ACSL3: variants seen among roughly 807,000 people sequenced by gnomAD.
The protein encoded by ACSL3 is fatty acid CoA ligase Acsl3.
In ACSL3, 34 loss-of-function variants were observed where a neutral mutation model predicts 84.7. The ratio of observed to expected loss-of-function variants is 0.40; its 90% CI spans 0.31 to 0.53. ACSL3 has a LOEUF of 0.53. ACSL3 is among the 20% of genes least tolerant of loss of function. The pLI is 0.48. For missense variants in ACSL3, 680 were observed against 873.1 expected (o/e 0.78, Z 2.79); for synonymous variants, 315 against 299.4 (o/e 1.05, Z -0.54).
chr2:222,861,854 A>G (rs1695022346), intron 1 of ACSL3: 1 of 152,228 alleles, frequency 6.6e-6, no homozygotes. Context: ...CTTTTCCCCA[A>G]GTGCGTTTTA....
chr2:222,872,279 C>T (rs1297106142), intron 1 of ACSL3, among the ~76,000 whole-genome samples: 2 of 152,052 alleles, frequency 1.3e-5, no homozygotes, highest in Non-Finnish European at 2.9e-5. Context: ...TGCCCACCAC[C>T]ACGCCCGGCT....
chr2:222,901,943 CAAAAAAAAA>C (rs765995360), intron 3 of ACSL3, among the ~76,000 whole-genome samples: 1 of 12,390 alleles, frequency 8.1e-5, no homozygotes, highest in Admixed American at 8.5e-4. Context: ...GACTCGGTCT[CAAAAAAAAA>C]AAAAAAAAAA....
At chr2:222,862,236 G>C (rs983911400) in intron 1 of ACSL3, among the ~76,000 whole-genome samples, 2 of 152,170 alleles carry the variant, frequency 1.3e-5, no homozygotes, top group Non-Finnish European at 2.9e-5. Flanking sequence ...CTCTGGGGTG[G>C]GGGTTATTCC....
rs561355433 is a variant in ACSL3, at chr2:222,862,246, C to G, written c.-207+988C>G. Among the ~76,000 whole-genome samples, 7 of 152,296 alleles carry G rather than the reference C, an allele frequency of 4.6e-5. No homozygotes were observed. The East Asian group carries it at 1.4e-3, about 29-fold the overall frequency. ...CAGTCCTCTGGGGTGGGGGTTATTC[C>G]CATTTTACAGCGGGAGAAACTGCAG... On this transcript the variant is annotated intron_variant, in intron 1 of 16. Coordinates refer to ENST00000357430, the MANE Select transcript of ACSL3 (RefSeq NM_004457.5).
At chr2:222,911,943 G>T (rs1287894657) in intron 4 of ACSL3, among the ~76,000 whole-genome samples, 1 of 152,220 alleles carries the variant, frequency 6.6e-6, no homozygotes, top group Non-Finnish European at 1.5e-5. Context: ...TCATTACTGT[G>T]AAGTTTTATT....
intron 3 of ACSL3, among the ~76,000 whole-genome samples, chr2:222,903,737 T>C (rs973059303): frequency 6.6e-6 from 1 of 152,236 alleles, no homozygotes; most frequent in Non-Finnish European, 1.5e-5. Flanking sequence ...TGACTAGATA[T>C]TAGCTAAAAA....
At chr2:222,935,324 G>T (rs1013653646) in intron 16 of ACSL3, among the ~76,000 whole-genome samples, 3 of 152,028 alleles carry the variant, frequency 2.0e-5, no homozygotes, top group African/African-American at 7.2e-5. Flanking sequence ...AAGTAGCCGG[G>T]ACTACCAGTG....
At chr2:222,914,559 C>T (rs1696527419) in intron 4 of ACSL3, among the ~76,000 whole-genome samples, 1 of 152,048 alleles carries the variant, frequency 6.6e-6, no homozygotes, top group African/African-American at 2.4e-5. Context: ...AGTGCACCTG[C>T]CCAGAGGAGG....
rs949503596 is a variant in ACSL3 at position 222,941,918 on chromosome 2, T to C, written c.*264T>C. 3.1e-5 allele frequency: 10 copies of C among 322,868 alleles called. No homozygotes were observed. The highest frequency in any genetic ancestry group is 2.8e-4 in the East Asian group (6 of 21,542). The allele number at this position is 322,868 out of a possible 1,614,324, so 20.0% of individuals were successfully genotyped here. A position where few individuals can be genotyped will look rare whatever the true frequency, so the allele number is the denominator to read the frequency against. ...AGTATGAGAATTTTTCTGAATCATA[T>C]TGGGGAAGCAGTGATTTTAAAACCT... On this transcript the variant is annotated 3_prime_UTR_variant, in exon 17 of 17. Coordinates refer to ENST00000357430, the MANE Select transcript of ACSL3 (RefSeq NM_004457.5).
At chr2:222,929,004 T>C (rs752866880) in intron 13 of ACSL3, 68 bp downstream of exon 13, 9 of 1,333,940 alleles carry the variant, frequency 6.7e-6, no homozygotes, top group Non-Finnish European at 7.5e-6. Context: ...AGTGCTTCAC[T>C]TTCTTGCTTT....
At chr2:222,906,993 T>C (rs1362798416) in intron 3 of ACSL3, among the ~76,000 whole-genome samples, 1 of 152,218 alleles carries the variant, frequency 6.6e-6, no homozygotes, top group Admixed American at 6.5e-5. Context: ...TAGAAATTGC[T>C]AAGGGGCTCT....
rs1694987034 is a variant in ACSL3, at chr2:222,861,041, C to T, written c.-424C>T. The T allele has an allele frequency of 6.6e-6, 1 of 152,436 alleles. No homozygotes were observed. Among genetic ancestry groups the T allele is most frequent in the African/African-American group, 2.4e-5 (1 of 41,584 alleles). 9.4% of individuals were successfully genotyped at this position (152,436 alleles called of 1,614,324 possible). A position where few individuals can be genotyped will look rare whatever the true frequency, so the allele number is the denominator to read the frequency against. ...CCCAGGCGGTTCCGCTCAACAGACGCTGCTGTGGCTGCGCCGGGCTGCGAC... is the reference window on the plus strand; with the variant it reads ...CCCAGGCGGTTCCGCTCAACAGACGTTGCTGTGGCTGCGCCGGGCTGCGAC... On this transcript the variant is annotated 5_prime_UTR_variant, in exon 1 of 17. Coordinates refer to ENST00000357430, the MANE Select transcript of ACSL3 (RefSeq NM_004457.5).
chr2:222,865,265 T>G lies in ACSL3; in HGVS notation c.-207+4007T>G, dbSNP rs145385325. Among the ~76,000 whole-genome samples the G allele has an allele frequency of 5.3e-4, 81 of 152,366 alleles. 3 individuals are homozygous for G. The highest frequency in any genetic ancestry group is 1.9e-3 in the African/African-American group (77 of 41,594). On this transcript the variant is annotated intron_variant, in intron 1 of 16. Coordinates refer to ENST00000357430, the MANE Select transcript of ACSL3 (RefSeq NM_004457.5). ...AATATGTTTATTTACGTATTTTTGA[T>G]GTTTCCCATTTTGAAGGGTAAAGAA...
At chr2:222,916,535 A>T in intron 5 of ACSL3, 39 bp downstream of exon 5, 1 of 1,490,772 alleles carries the variant, frequency 6.7e-7, no homozygotes, top group Non-Finnish European at 9.0e-7. Flanking sequence ...AATGAACTTA[A>T]CTGATATTTA....
chr2:222,934,892 T>C (rs775393917), intron 16 of ACSL3, among the ~76,000 whole-genome samples: 16 of 152,226 alleles, frequency 1.1e-4, no homozygotes, highest in African/African-American at 3.9e-4. Flanking sequence ...TGTACATGTA[T>C]CTTGAATGTT....
At chr2:222,940,202 GAGCA>G (rs1263638484) in intron 16 of ACSL3, among the ~76,000 whole-genome samples, 1 of 152,314 alleles carries the variant, frequency 6.6e-6, no homozygotes, top group African/African-American at 2.4e-5. Flanking sequence ...ACACAATAGT[GAGCA>G]AGCATTCTGT....
intron 2 of ACSL3, among the ~76,000 whole-genome samples, chr2:222,900,039 A>C (rs1348135848): frequency 6.6e-6 from 1 of 152,190 alleles, no homozygotes; most frequent in African/African-American, 2.4e-5. Flanking sequence ...CGCCTCTGAC[A>C]GTAATACTCA....
intron 16 of ACSL3, among the ~76,000 whole-genome samples, chr2:222,936,608 T>TCCCCCCCCCCCCCCCCCC (rs55915039): frequency 1.5e-5 from 2 of 131,188 alleles, no homozygotes; most frequent in African/African-American, 2.9e-5. Flanking sequence ...TTCTGCACCC[T>TCCCCCCCCCCCCCCCCCC]CCCCCCCCAC....
chr2:222,864,402 A>G (rs12624299), intron 1 of ACSL3, among the ~76,000 whole-genome samples: 57,592 of 151,930 alleles, frequency 0.38, 11,309 homozygotes, highest in Admixed American at 0.47. Context: ...ATAAGAAGAG[A>G]AGGAGGCCTG....
Sources: allele counts gnomAD v4.1 joint callset (sites outside exome capture counted in the v4.1 genomes callset), GRCh38; gene constraint gnomAD v4.1.1; transcripts MANE v1.5; gene names NCBI Gene and HGNC (gene_info 2026-07-23, HGNC 2026-07-21).